The following LINS1 variants were observed in gnomAD, a reference collection of about 807,000 sequenced individuals.
LINS1 encodes lines homolog 1.
LINS1 carries 27 observed loss-of-function variants against 41.6 expected under a neutral mutation model. The ratio of observed to expected loss-of-function variants is 0.65; its 90% CI spans 0.48 to 0.89. LINS1 has a LOEUF of 0.89. Among genes scored for constraint, LINS1 ranks in the 40% least tolerant of loss-of-function variants. The pLI is 0.00. For synonymous variants in LINS1, 336 were observed against 312.9 expected (o/e 1.07, Z -0.78); for missense variants, 955 against 884.1 (o/e 1.08, Z -1.02).
chr15:100,585,761 TTAAC>T (rs142993544), intron 1 of LINS1, among the ~76,000 whole-genome samples: 4,296 of 152,332 alleles, frequency 0.028, 188 homozygotes, highest in African/African-American at 0.097. Context: ...TGCTCATACA[TTAAC>T]TAAGTCTAAG....
intron 3 of LINS1, among the ~76,000 whole-genome samples, chr15:100,579,649 T>A (rs2141304029): frequency 6.6e-6 from 1 of 152,100 alleles, no homozygotes; most frequent in East Asian, 1.9e-4. Context: ...AGTTGAAAAG[T>A]CAGTAGATAT....
At chr15:100,595,228 G>A (rs2039194741) in intron 1 of LINS1, among the ~76,000 whole-genome samples, 1 of 151,532 alleles carries the variant, frequency 6.6e-6, no homozygotes, top group South Asian at 2.1e-4. Flanking sequence ...AACTTGCTCT[G>A]CAAAAAAACC....
chr15:100,594,046 G>A (rs2039145823), intron 1 of LINS1, among the ~76,000 whole-genome samples: 1 of 152,128 alleles, frequency 6.6e-6, no homozygotes, highest in South Asian at 2.1e-4. Context: ...AAAATCCATG[G>A]ATGCTCAACT....
At position 100,573,818 on chromosome 15, in the gene LINS1, G is replaced by A. The variant is rs753571346; in HGVS notation, c.1055C>T (p.Thr352Ile). ...GGAATGTTTTTCATAAACAGACAGTGTCTTCAACAACCCCGAATTCACAGC... is the reference window on the plus strand; with the variant it reads ...GGAATGTTTTTCATAAACAGACAGTATCTTCAACAACCCCGAATTCACAGC... ...LQAVNSGLLK[T>I]LSVYEKHSFF... The change falls in exon 5 of 7, where the codon ACA becomes ATA. Residue 352 changes from threonine to isoleucine, a missense_variant. By Grantham distance (89) the Thr-to-Ile change is moderately conservative. Transcript: ENST00000314742. The A allele has an allele frequency of 6.2e-7, 1 of 1,614,224 alleles. No homozygotes were observed. Among genetic ancestry groups the A allele is most frequent in the Non-Finnish European group, 8.5e-7 (1 of 1,180,046 alleles).
chr15:100,590,958 C>T (rs183714010), intron 1 of LINS1, among the ~76,000 whole-genome samples: 3 of 152,130 alleles, frequency 2.0e-5, no homozygotes, highest in Non-Finnish European at 2.9e-5. Context: ...GCGGGCAGAT[C>T]ACCTGAGGAC....
chr15:100,589,169 T>A (rs1371324568), intron 1 of LINS1, among the ~76,000 whole-genome samples: 1 of 152,148 alleles, frequency 6.6e-6, no homozygotes, highest in African/African-American at 2.4e-5. Flanking sequence ...GAAGAAACAG[T>A]TTTACATGCA....
rs143841134 is a variant in LINS1 at position 100,571,865 on chromosome 15, G to A, written c.1394+29C>T. 2.2e-5 allele frequency: 36 copies of A among 1,612,964 alleles called. No individual in the cohort carries two copies. In the Middle Eastern group the frequency reaches 5.0e-4, roughly 22 times the overall value. Reference sequence around the variant, plus strand: ...TTTCTGCTTTCCTGACTTGTAGGCCGTTCAATAATTACTTTAAAATACACT... The same window carrying A: ...TTTCTGCTTTCCTGACTTGTAGGCCATTCAATAATTACTTTAAAATACACT... On this transcript the variant is annotated intron_variant, in intron 6 of 6. Transcript: ENST00000314742.
At chr15:100,590,528 T>C (rs1439560778) in intron 1 of LINS1, among the ~76,000 whole-genome samples, 1 of 152,218 alleles carries the variant, frequency 6.6e-6, no homozygotes, top group Non-Finnish European at 1.5e-5. Context: ...CCCTTTTCCA[T>C]TGCAAAAGAA....
At chr15:100,587,208 T>C (rs1226401221) in intron 1 of LINS1, among the ~76,000 whole-genome samples, 1 of 140,856 alleles carries the variant, frequency 7.1e-6, no homozygotes, top group Non-Finnish European at 1.6e-5. Context: ...AATTCTTTAA[T>C]ATAGTTAAGC....
intron 4 of LINS1, 95 bp from the exon 5 acceptor site, chr15:100,574,336 A>G: frequency 1.2e-6 from 1 of 846,348 alleles, no homozygotes; most frequent in Non-Finnish European, 1.9e-6. Flanking sequence ...TTTTAAGATG[A>G]AAAAACAGAT....
chr15:100,601,500 G>T (rs1382752111), intron 1 of LINS1, among the ~76,000 whole-genome samples: 1 of 152,072 alleles, frequency 6.6e-6, no homozygotes, highest in African/African-American at 2.4e-5. Context: ...TGCCACATTG[G>T]GGATTAAATT....
intron 3 of LINS1, among the ~76,000 whole-genome samples, chr15:100,575,868 A>T (rs1252874283): frequency 2.6e-5 from 4 of 152,148 alleles, no homozygotes; most frequent in South Asian, 2.1e-4. Flanking sequence ...GGATTAAGAA[A>T]CTCACTCAAA....
At chr15:100,597,981 T>C (rs1288520512) in intron 1 of LINS1, among the ~76,000 whole-genome samples, 5 of 152,270 alleles carry the variant, frequency 3.3e-5, no homozygotes, top group African/African-American at 7.2e-5. Flanking sequence ...TATGTCTTTA[T>C]TTATTAACCT....
Position 100,568,931 on chromosome 15 carries a change from C to T in LINS1, c.*307G>A, listed in dbSNP as rs34652892. On this transcript the variant is annotated 3_prime_UTR_variant, in exon 7 of 7. Coordinates refer to ENST00000314742, the MANE Select transcript of LINS1 (RefSeq NM_001040616.3). ...TTGAGGTCAGGAGTTTGAGACCAGCCTGGCAACATGGTGAAACCCCCGTCT... is the reference window on the plus strand; with the variant it reads ...TTGAGGTCAGGAGTTTGAGACCAGCTTGGCAACATGGTGAAACCCCCGTCT... The T allele has an allele frequency of 6.6e-3, 1,636 of 248,766 alleles. 8 individuals are homozygous for T. The highest frequency in any genetic ancestry group is 0.017 in the Middle Eastern group (10 of 582). The allele number at this position is 248,766 out of a possible 1,614,324, so 15.4% of individuals were successfully genotyped here.
At chr15:100,578,268 C>A (rs1200854594) in intron 3 of LINS1, among the ~76,000 whole-genome samples, 1 of 152,094 alleles carries the variant, frequency 6.6e-6, no homozygotes, top group Admixed American at 6.5e-5. Flanking sequence ...TTTTTGCAAT[C>A]TACTCATCTG....
In LINS1 at chr15:100,567,703, C is replaced by A. The variant is rs2037606155; in HGVS notation, c.*1535G>T. The A allele has an allele frequency of 6.6e-6, 1 of 152,192 alleles. No homozygotes were observed. The highest frequency in any genetic ancestry group is 6.5e-5 in the Admixed American group (1 of 15,284). 9.4% of individuals were successfully genotyped at this position (152,192 alleles called of 1,614,324 possible). A position where few individuals can be genotyped will look rare whatever the true frequency, so the allele number is the denominator to read the frequency against. ...TATGTGGCATCCTTGAATACACATT[C>A]TTTGACGTGCTTTTTCAATTACGGT... On this transcript the variant is annotated 3_prime_UTR_variant, in exon 7 of 7. Transcript: ENST00000314742.
chr15:100,571,724 G>C (rs938734926), intron 6 of LINS1, among the ~76,000 whole-genome samples, 170 bp downstream of exon 6: 1 of 152,142 alleles, frequency 6.6e-6, no homozygotes, highest in African/African-American at 2.4e-5. Context: ...TTTTCCTAGC[G>C]ATACAAATGC....
intron 1 of LINS1, among the ~76,000 whole-genome samples, chr15:100,601,275 G>A (rs2039480988): frequency 6.6e-6 from 1 of 152,190 alleles, no homozygotes; most frequent in Admixed American, 6.5e-5. Flanking sequence ...TAGTTTTGGA[G>A]GCTGGGAAGT....
Position 100,602,141 on chromosome 15 carries a change from ACT to A in LINS1, c.-126_-125del, listed in dbSNP as rs977472904. 1.3e-5 allele frequency: 2 copies of A among 152,112 alleles called. No homozygotes were observed. Among genetic ancestry groups the A allele is most frequent in the Non-Finnish European group, 2.9e-5 (2 of 68,058 alleles). 9.4% of individuals were successfully genotyped at this position (152,112 alleles called of 1,614,324 possible). A position where few individuals can be genotyped will look rare whatever the true frequency, so the allele number is the denominator to read the frequency against. ...CCTGCCTGGGATCTGGCTCAGGCGA[ACT>A]CTCTTCACACCGCCATTTGAGGGAA... On this transcript the variant is annotated 5_prime_UTR_variant, in exon 1 of 7. Transcript: ENST00000314742.
Sources: allele counts gnomAD v4.1 joint callset (sites outside exome capture counted in the v4.1 genomes callset), GRCh38; gene constraint gnomAD v4.1.1; transcripts MANE v1.5; gene names NCBI Gene and HGNC (gene_info 2026-07-23, HGNC 2026-07-21).